PHF14: variants seen among roughly 807,000 people sequenced by gnomAD.
The protein encoded by PHF14 is PHD finger protein 14.
A neutral mutation model predicts 117.9 loss-of-function variants in PHF14; 55 were observed. The observed-to-expected ratio is 0.47, with a 90% CI of 0.38 to 0.58. PHF14 has a LOEUF of 0.58. PHF14 is among the 20% of genes least tolerant of loss of function. The pLI, the probability that PHF14 is intolerant of heterozygous loss-of-function variation, is 0.00. For synonymous variants in PHF14, 409 were observed against 368.6 expected, an observed-to-expected ratio of 1.11 and a Z score of -1.26; for missense variants, 978 against 1,122.2, an observed-to-expected ratio of 0.87 and a Z score of 1.84.
chr7:11,057,300 T>G (rs1785051971), intron 14 of PHF14, among the ~76,000 whole-genome samples: 1 of 152,214 alleles, frequency 6.6e-6, no homozygotes, highest in Non-Finnish European at 1.5e-5. Context: ...TACATGTTTT[T>G]TAGTCCAAAT....
rs1310784357 is a variant in PHF14, at chr7:11,013,838, T to C, written c.1137T>C (p.Cys379=). Residue 379 remains cysteine, a synonymous_variant, in exon 5 of 18, where the codon TGT becomes TGC. Transcript: ENST00000634607. ...CTTGGTTTTGTGATGCCTGTAAATGTGGTGTTTCTCCTAGCTGTGAACTGT... is the reference window on the plus strand; with the variant it reads ...CTTGGTTTTGTGATGCCTGTAAATGCGGTGTTTCTCCTAGCTGTGAACTGT... ...TEPWFCDACK[C]GVSPSCELCP... The C allele has an allele frequency of 1.9e-6, 3 of 1,610,594 alleles. No individual in the cohort carries two copies. Among genetic ancestry groups the C allele is most frequent in the Admixed American group, 3.3e-5 (2 of 59,972 alleles).
intron 13 of PHF14, 64 bp from the exon 14 acceptor site, chr7:11,051,548 A>C (rs1056917347): frequency 3.0e-6 from 4 of 1,335,440 alleles, no homozygotes; most frequent in Non-Finnish European, 4.1e-6. Flanking sequence ...GTATTTATAA[A>C]AACTATAGCT....
chr7:11,086,126 C>A (rs1003997206), intron 16 of PHF14, among the ~76,000 whole-genome samples: 1 of 152,152 alleles, frequency 6.6e-6, no homozygotes, highest in Non-Finnish European at 1.5e-5. Context: ...TGGACCGTTG[C>A]AATAACCATC....
intron 3 of PHF14, among the ~76,000 whole-genome samples, chr7:10,985,658 TTTTTTTTTTTTG>T: frequency 1.5e-5 from 2 of 133,426 alleles, no homozygotes; most frequent in South Asian, 2.6e-4. Context: ...TTTTTTTTTT[TTTTTTTTTTTTG>T]GAGACAGGGT....
intron 11 of PHF14, among the ~76,000 whole-genome samples, chr7:11,039,883 A>G (rs1437424357): frequency 6.6e-6 from 1 of 152,146 alleles, no homozygotes; most frequent in Non-Finnish European, 1.5e-5. Context: ...ATTATGTTTT[A>G]TACTTAATAT....
intron 14 of PHF14, among the ~76,000 whole-genome samples, chr7:11,058,368 G>A (rs952863318): frequency 1.3e-5 from 2 of 151,518 alleles, no homozygotes; most frequent in South Asian, 2.1e-4. Flanking sequence ...ATGAATTTTC[G>A]TAGTTATAGT....
chr7:11,105,459 T>C (rs1006885833), intron 16 of PHF14: 1 of 973,526 alleles, frequency 1.0e-6, no homozygotes, highest in African/African-American at 1.8e-5. Context: ...TTCATGACTA[T>C]TTCACCAAAA....
intron 14 of PHF14, among the ~76,000 whole-genome samples, chr7:11,054,437 G>C (rs570326238): frequency 2.6e-5 from 4 of 152,116 alleles, no homozygotes; most frequent in African/African-American, 7.2e-5. Flanking sequence ...CCAGACAATT[G>C]GTGCGAGGTA....
At chr7:11,070,580 C>T (rs1278567526) in intron 16 of PHF14, among the ~76,000 whole-genome samples, 1 of 152,180 alleles carries the variant, frequency 6.6e-6, no homozygotes, top group East Asian at 1.9e-4. Flanking sequence ...GTATTTACTT[C>T]TTTCATATAT....
chr7:11,054,251 A>G (rs377657481), intron 14 of PHF14, among the ~76,000 whole-genome samples: 4 of 152,082 alleles, frequency 2.6e-5, no homozygotes, highest in Non-Finnish European at 5.9e-5. Flanking sequence ...TAGAGCTAGT[A>G]TAGACTTTGG....
At chr7:11,134,797 A>G (rs919970150) in intron 17 of PHF14, among the ~76,000 whole-genome samples, 4 of 152,160 alleles carry the variant, frequency 2.6e-5, no homozygotes, top group Non-Finnish European at 4.4e-5. Context: ...TAATACATAA[A>G]ATAATTTTGC....
chr7:11,112,639 C>T lies in PHF14; in HGVS notation c.2772+1172C>T, dbSNP rs530806322. ...ACAAAAAATTAGCCAGACATGGTGG[C>T]GAGTGCCTCTAATCCCAGCTACTTG... On this transcript the variant is annotated intron_variant, in intron 17 of 17. Coordinates refer to ENST00000634607, the MANE Select transcript of PHF14 (RefSeq NM_001007157.2). Among the ~76,000 whole-genome samples, 65 of 152,012 alleles carry T rather than the reference C, an allele frequency of 4.3e-4. 1 individual carries two copies. Among genetic ancestry groups the T allele is most frequent in the Admixed American group, 3.1e-3 (48 of 15,268 alleles).
chr7:11,027,878 A>T (rs1490545265), intron 6 of PHF14, among the ~76,000 whole-genome samples: 1 of 152,070 alleles, frequency 6.6e-6, no homozygotes, highest in East Asian at 1.9e-4. Flanking sequence ...TTGAAGCCTT[A>T]CATTTACTTT....
chr7:11,072,409 T>G (rs1785643709), intron 16 of PHF14, among the ~76,000 whole-genome samples: 1 of 152,066 alleles, frequency 6.6e-6, no homozygotes. Flanking sequence ...TAATTCAACA[T>G]GAGATTTGAG....
At position 11,063,609 on chromosome 7, in the gene PHF14, A is replaced by G. The variant is rs538398517; in HGVS notation, c.2654+1524A>G. On this transcript the variant is annotated intron_variant, in intron 16 of 17. Transcript: ENST00000634607. ...GTGTCTTACTAATTTTTTTTTTTTAATATGAGATTGATTGAGGCCTTTTTG... is the reference window on the plus strand; with the variant it reads ...GTGTCTTACTAATTTTTTTTTTTTAGTATGAGATTGATTGAGGCCTTTTTG... 61 of 973,906 alleles carry G rather than the reference A, an allele frequency of 6.3e-5. No homozygotes were observed. In the African/African-American group the frequency reaches 1.1e-3, roughly 17 times the overall value. 60.3% of individuals were successfully genotyped at this position (973,906 alleles called of 1,614,324 possible).
At chr7:11,036,179 A>G (rs896117345) in intron 8 of PHF14, among the ~76,000 whole-genome samples, 4 of 152,164 alleles carry the variant, frequency 2.6e-5, no homozygotes, top group East Asian at 1.9e-4. Flanking sequence ...CTTCAGCTTA[A>G]TTAGTTTCTC....
chr7:11,063,093 A>G, intron 16 of PHF14: 2 of 909,084 alleles, frequency 2.2e-6, no homozygotes, highest in African/African-American at 3.6e-5. Flanking sequence ...TCTCAAAGAA[A>G]GGCATGAAGT....
chr7:11,010,547 AAATT>A (rs1200263653), intron 4 of PHF14, among the ~76,000 whole-genome samples: 47 of 152,106 alleles, frequency 3.1e-4, no homozygotes, highest in Admixed American at 2.4e-3. Flanking sequence ...TAATTAAATG[AAATT>A]AATTATATAG....
At chr7:11,032,790 T>A (rs1198442392) in intron 7 of PHF14, among the ~76,000 whole-genome samples, 1 of 152,202 alleles carries the variant, frequency 6.6e-6, no homozygotes, top group African/African-American at 2.4e-5. Flanking sequence ...TCAAGGCATT[T>A]GTATTTAAGG....
Sources: allele counts gnomAD v4.1 joint callset (sites outside exome capture counted in the v4.1 genomes callset), GRCh38; gene constraint gnomAD v4.1.1; transcripts MANE v1.5; gene names NCBI Gene and HGNC (gene_info 2026-07-23, HGNC 2026-07-21).